The following NDST4 variants were observed in gnomAD, a reference collection of about 807,000 sequenced individuals.
NDST4 encodes N-heparan sulfate sulfotransferase 4.
In NDST4, 63 loss-of-function variants were observed where a neutral mutation model predicts 100.8. The ratio of observed to expected loss-of-function variants is 0.62; its 90% CI spans 0.51 to 0.77. The LOEUF is 0.77. Ranked by LOEUF, NDST4 falls within the 30% of genes least tolerant of loss-of-function variation. The probability of loss-of-function intolerance (pLI) is 0.00; values close to 1 mark genes in which losing one functional copy is unlikely to be tolerated. For synonymous variants in NDST4, 377 were observed against 361.8 expected, an observed-to-expected ratio of 1.04 and a Z score of -0.48; for missense variants, 943 against 1,018.4, an observed-to-expected ratio of 0.93 and a Z score of 1.01.
At chr4:114,970,610 C>A in intron 3 of NDST4, 26 bp from the exon 4 acceptor site, 2 of 1,584,824 alleles carry the variant, frequency 1.3e-6, no homozygotes, top group South Asian at 1.1e-5. Context: ...TTAAAAATAA[C>A]TTTAGTGAAA....
chr4:115,057,982 A>C (rs1364144898), intron 2 of NDST4, among the ~76,000 whole-genome samples: 1 of 152,162 alleles, frequency 6.6e-6, no homozygotes. Flanking sequence ...AAGCATGTGT[A>C]TATGTATATA....
chr4:114,902,913 T>C (rs1349556656), intron 6 of NDST4, among the ~76,000 whole-genome samples: 1 of 152,086 alleles, frequency 6.6e-6, no homozygotes. Flanking sequence ...CAGCATTTCT[T>C]TTTGATTTTT....
chr4:115,025,237 A>T lies in NDST4; in HGVS notation c.979-47963T>A, dbSNP rs1326896216. Among the ~76,000 whole-genome samples, 7 of 151,902 alleles carry T rather than the reference A, an allele frequency of 4.6e-5. No individual in the cohort carries two copies. The East Asian group carries it at 1.4e-3, about 29-fold the overall frequency. ...AAGGGAGCTGGGCAACAGCCTCAACAGCCTAGAACATTCTCTGCTTCATCT... is the reference window on the plus strand; with the variant it reads ...AAGGGAGCTGGGCAACAGCCTCAACTGCCTAGAACATTCTCTGCTTCATCT... On this transcript the variant is annotated intron_variant, in intron 2 of 13. Coordinates refer to ENST00000264363, the MANE Select transcript of NDST4 (RefSeq NM_022569.3).
intron 6 of NDST4, among the ~76,000 whole-genome samples, chr4:114,884,344 T>C (rs577040131): frequency 6.6e-6 from 1 of 152,128 alleles, no homozygotes; most frequent in South Asian, 2.1e-4. Context: ...TTTATTTGGG[T>C]TTATAATTGC....
intron 2 of NDST4, among the ~76,000 whole-genome samples, chr4:115,048,730 G>A (rs948990353): frequency 2.0e-5 from 3 of 151,992 alleles, no homozygotes; most frequent in African/African-American, 2.4e-5. Flanking sequence ...CTCCGCCTCC[G>A]TGGTTCAAGC....
In NDST4 at chr4:114,827,900, A is replaced by AT; in HGVS notation, c.2534dup (p.His845GlnfsTer2). On this transcript the variant is annotated frameshift_variant, in exon 14 of 14. Coordinates refer to ENST00000264363, the MANE Select transcript of NDST4 (RefSeq NM_022569.3). LOFTEE classifies it high-confidence loss of function. ...GTAGCAGTTTGGATAGTTCCACATT[A>AT]TGATCTCGGTAGTAATTAGAGAGGA... 6.2e-7 allele frequency: 1 copy of AT among 1,611,432 alleles called. No individual in the cohort carries two copies. Among genetic ancestry groups the AT allele is most frequent in the Non-Finnish European group, 8.5e-7 (1 of 1,178,956 alleles).
intron 2 of NDST4, among the ~76,000 whole-genome samples, chr4:114,988,296 G>A (rs1395497204): frequency 7.2e-6 from 1 of 138,864 alleles, no homozygotes; most frequent in Non-Finnish European, 1.5e-5. Flanking sequence ...TAAACTTTTT[G>A]AAAATTTTCA....
At chr4:114,974,231 T>C (rs1726580630) in intron 3 of NDST4, among the ~76,000 whole-genome samples, 1 of 151,864 alleles carries the variant, frequency 6.6e-6, no homozygotes, top group African/African-American at 2.4e-5. Context: ...TCAAGTTTGT[T>C]ACCAATATCA....
intron 6 of NDST4, among the ~76,000 whole-genome samples, chr4:114,902,417 G>T (rs1375045329): frequency 2.6e-5 from 4 of 150,966 alleles, no homozygotes; most frequent in Non-Finnish European, 4.4e-5. Context: ...TTCTCTCCTT[G>T]CTTGCATGTT....
intron 6 of NDST4, among the ~76,000 whole-genome samples, chr4:114,883,896 C>A (rs1215881368): frequency 6.6e-6 from 1 of 152,038 alleles, no homozygotes; most frequent in African/African-American, 2.4e-5. Flanking sequence ...GAATCTAATG[C>A]CACCGCTGAT....
intron 2 of NDST4, among the ~76,000 whole-genome samples, chr4:115,062,565 A>G (rs769750568): frequency 7.9e-5 from 12 of 151,852 alleles, no homozygotes; most frequent in Non-Finnish European, 1.6e-4. Context: ...CATGAAATAT[A>G]CTATTAGGAG....
chr4:115,035,087 C>T (rs1296140756), intron 2 of NDST4, among the ~76,000 whole-genome samples: 1 of 152,072 alleles, frequency 6.6e-6, no homozygotes, highest in African/African-American at 2.4e-5. Context: ...TTTCCAAAAT[C>T]TTTATATTCA....
chr4:114,880,978 T>A (rs1363747370), intron 6 of NDST4, among the ~76,000 whole-genome samples: 1 of 152,066 alleles, frequency 6.6e-6, no homozygotes, highest in Admixed American at 6.6e-5. Context: ...AAGCAATTGG[T>A]AACACAGTGC....
intron 1 of NDST4, among the ~76,000 whole-genome samples, chr4:115,087,953 T>C (rs1729440651): frequency 6.6e-6 from 1 of 152,004 alleles, no homozygotes; most frequent in Admixed American, 6.6e-5. Context: ...TATATTTTTC[T>C]GTATAATGTG....
intron 7 of NDST4, among the ~76,000 whole-genome samples, chr4:114,859,161 C>T (rs1348669973): frequency 1.3e-5 from 2 of 152,164 alleles, no homozygotes; most frequent in Admixed American, 1.3e-4. Context: ...TATCTAAACA[C>T]AGCTTTTCTC....
intron 1 of NDST4, among the ~76,000 whole-genome samples, chr4:115,095,915 T>A (rs1729612339): frequency 6.6e-6 from 1 of 152,090 alleles, no homozygotes; most frequent in Non-Finnish European, 1.5e-5. Flanking sequence ...ATCTTCTATT[T>A]CTTTTGCTCA....
At chr4:115,105,695 T>A (rs970981511) in intron 1 of NDST4, among the ~76,000 whole-genome samples, 4 of 152,136 alleles carry the variant, frequency 2.6e-5, no homozygotes, top group African/African-American at 9.7e-5. Context: ...ACAGGTAGCA[T>A]TCCAGCCTGT....
chr4:115,017,808 C>G (rs1481963918), intron 2 of NDST4, among the ~76,000 whole-genome samples: 1 of 151,742 alleles, frequency 6.6e-6, no homozygotes, highest in East Asian at 1.9e-4. Context: ...AGAGGTAATC[C>G]ATAATTGGAT....
At chr4:114,908,174 T>C (rs969835050) in intron 6 of NDST4, among the ~76,000 whole-genome samples, 14 of 152,152 alleles carry the variant, frequency 9.2e-5, no homozygotes, top group African/African-American at 3.4e-4. Context: ...ATAAATAAAT[T>C]CTGACATCAG....
Sources: allele counts gnomAD v4.1 joint callset (sites outside exome capture counted in the v4.1 genomes callset), GRCh38; gene constraint gnomAD v4.1.1; transcripts MANE v1.5; gene names NCBI Gene and HGNC (gene_info 2026-07-23, HGNC 2026-07-21).